The following ARID3B variants were observed in gnomAD, a reference collection of about 807,000 sequenced individuals.
The protein encoded by ARID3B is AT-rich interaction domain 3B.
ARID3B carries 10 observed loss-of-function variants against 51.9 expected under a neutral mutation model. The observed-to-expected ratio is 0.19, with a 90% CI of 0.12 to 0.33. ARID3B has a LOEUF of 0.33. Ranked by LOEUF, ARID3B falls within the 10% of genes least tolerant of loss-of-function variation. ARID3B has a pLI of 1.00. For missense variants in ARID3B, 483 were observed against 716.3 expected, an observed-to-expected ratio of 0.67 and a Z score of 3.72; for synonymous variants, 205 against 279.5, an observed-to-expected ratio of 0.73 and a Z score of 2.66.
At chr15:74,564,890 C>T (rs2061692145) in intron 2 of ARID3B, among the ~76,000 whole-genome samples, 1 of 152,074 alleles carries the variant, frequency 6.6e-6, no homozygotes, top group Non-Finnish European at 1.5e-5. Flanking sequence ...CATGAGCCAC[C>T]ATGTCTGGCC....
chr15:74,583,695 C>A (rs528219560), intron 4 of ARID3B, among the ~76,000 whole-genome samples: 11 of 148,286 alleles, frequency 7.4e-5, no homozygotes, highest in Non-Finnish European at 1.3e-4. Context: ...CCAACCTGGG[C>A]AACAGAGCGA....
chr15:74,548,387 G>T (rs2061623607), intron 2 of ARID3B, among the ~76,000 whole-genome samples: 2 of 152,162 alleles, frequency 1.3e-5, no homozygotes, highest in South Asian at 4.1e-4. Flanking sequence ...GGGTGCATGT[G>T]TCCGATTTTC....
At chr15:74,563,921 A>C (rs2061688140) in intron 2 of ARID3B, among the ~76,000 whole-genome samples, 1 of 152,178 alleles carries the variant, frequency 6.6e-6, no homozygotes, top group Admixed American at 6.5e-5. Flanking sequence ...CTTAGTGGAA[A>C]GGTGGGACCG....
At chr15:74,578,147 G>T (rs1447768810) in intron 4 of ARID3B, among the ~76,000 whole-genome samples, 7 of 149,824 alleles carry the variant, frequency 4.7e-5, no homozygotes, top group Non-Finnish European at 1.0e-4. Context: ...ATGAGCCACC[G>T]CACCTGGCCT....
chr15:74,564,465 A>T (rs2061690819), intron 2 of ARID3B, among the ~76,000 whole-genome samples: 1 of 152,238 alleles, frequency 6.6e-6, no homozygotes, highest in African/African-American at 2.4e-5. Flanking sequence ...GCCAATGATA[A>T]GATAGTTTAT....
At chr15:74,565,112 G>C (rs2061692909) in intron 2 of ARID3B, among the ~76,000 whole-genome samples, 2 of 151,160 alleles carry the variant, frequency 1.3e-5, no homozygotes, top group Admixed American at 1.3e-4. Context: ...TGGTACAATT[G>C]TATCTCACTG....
intron 2 of ARID3B, among the ~76,000 whole-genome samples, chr15:74,551,434 C>G (rs1484309686): frequency 6.6e-6 from 1 of 152,164 alleles, no homozygotes; most frequent in Non-Finnish European, 1.5e-5. Context: ...ATACTAAGTC[C>G]TTATAAATAC....
At chr15:74,542,520 C>CT (rs1021612230) in intron 1 of ARID3B, among the ~76,000 whole-genome samples, 12 of 152,168 alleles carry the variant, frequency 7.9e-5, no homozygotes, top group African/African-American at 2.9e-4. Flanking sequence ...AAATTGTACC[C>CT]TTTTTTACTC....
rs897560305 is a variant in ARID3B, at chr15:74,597,438, C to T, written c.*1664C>T. On this transcript the variant is annotated 3_prime_UTR_variant, in exon 9 of 9. Coordinates refer to ENST00000346246, the MANE Select transcript of ARID3B (RefSeq NM_006465.4). ...TTGAGCACAAACAGATACCTCAGCC[C>T]GGTAAGCTGCAGCTCTGCTCAACTG... 6.2e-6 allele frequency: 3 copies of T among 484,034 alleles called. No homozygotes were observed. The highest frequency in any genetic ancestry group is 3.9e-5 in the African/African-American group (2 of 51,278). 30.0% of individuals were successfully genotyped at this position (484,034 alleles called of 1,614,324 possible).
chr15:74,577,864 G>A (rs1199357345), intron 4 of ARID3B, among the ~76,000 whole-genome samples: 1 of 151,768 alleles, frequency 6.6e-6, no homozygotes, highest in East Asian at 1.9e-4. Context: ...ATCATGTGAG[G>A]CTTGCTGTCT....
intron 4 of ARID3B, among the ~76,000 whole-genome samples, chr15:74,577,150 G>A (rs1275477720): frequency 6.6e-6 from 1 of 152,100 alleles, no homozygotes; most frequent in African/African-American, 2.4e-5. Context: ...CTCTTATCTG[G>A]TAGTCCGAAC....
At chr15:74,551,528 G>C (rs2061637337) in intron 2 of ARID3B, among the ~76,000 whole-genome samples, 1 of 152,116 alleles carries the variant, frequency 6.6e-6, no homozygotes, top group African/African-American at 2.4e-5. Flanking sequence ...TCCCCTTCCA[G>C]GTTTCCAGGG....
intron 8 of ARID3B, 119 bp from the exon 9 acceptor site, chr15:74,595,492 C>A: frequency 8.7e-7 from 1 of 1,154,554 alleles, no homozygotes; most frequent in Non-Finnish European, 1.2e-6. Flanking sequence ...CACCCCCTAG[C>A]ACAGTGTCTA....
chr15:74,570,955 T>A (rs1483143977), intron 2 of ARID3B, among the ~76,000 whole-genome samples: 4 of 152,176 alleles, frequency 2.6e-5, no homozygotes, highest in African/African-American at 9.7e-5. Flanking sequence ...TAGGAAGGGA[T>A]CCAACAATGT....
At chr15:74,575,947 A>T (rs2061736044) in intron 4 of ARID3B, among the ~76,000 whole-genome samples, 1 of 152,130 alleles carries the variant, frequency 6.6e-6, no homozygotes, top group Non-Finnish European at 1.5e-5. Context: ...CCTCAGCTGG[A>T]GTGCAGTGGT....
chr15:74,552,563 C>T (rs544491231), intron 2 of ARID3B, among the ~76,000 whole-genome samples: 2 of 151,622 alleles, frequency 1.3e-5, no homozygotes, highest in East Asian at 4.0e-4. Context: ...AGAGTAGTTT[C>T]ACTGTCCTAA....
chr15:74,554,942 TA>T (rs944102455), intron 2 of ARID3B, among the ~76,000 whole-genome samples: 31 of 150,662 alleles, frequency 2.1e-4, no homozygotes, highest in African/African-American at 7.6e-4. Context: ...TCATTATACC[TA>T]AAAAAAAACA....
intron 4 of ARID3B, among the ~76,000 whole-genome samples, chr15:74,580,505 CT>C (rs1333489939): frequency 6.6e-6 from 1 of 152,232 alleles, no homozygotes; most frequent in East Asian, 1.9e-4. Context: ...TTTACTGTTA[CT>C]TGCATTTTTA....
rs117539506 is a variant in ARID3B at position 74,598,050 on chromosome 15, A to G, written c.*2276A>G. 6,884 of 529,128 alleles carry G rather than the reference A, an allele frequency of 0.013. 84 individuals carry two copies. Among genetic ancestry groups the G allele is most frequent in the South Asian group, 0.019 (1,253 of 65,166 alleles). 32.8% of individuals were successfully genotyped at this position (529,128 alleles called of 1,614,324 possible). On this transcript the variant is annotated 3_prime_UTR_variant, in exon 9 of 9. Coordinates refer to ENST00000346246, the MANE Select transcript of ARID3B (RefSeq NM_006465.4). ...ATACCTCAGATGTCCTCCTGCAGCA[A>G]GTGTCTATATGTTGTGGTTATTTTC...
Sources: gnomAD v4.1 joint callset for allele counts (sites outside exome capture counted in the v4.1 genomes callset) on GRCh38, gnomAD v4.1.1 for gene constraint, MANE v1.5 for transcripts, NCBI Gene and HGNC (gene_info 2026-07-23, HGNC 2026-07-21) for gene names.